The following ARID4B variants were observed in gnomAD, a reference collection of about 807,000 sequenced individuals.
ARID4B encodes AT-rich interaction domain 4B, also known as AT-rich interactive domain-containing protein 4B.
In ARID4B, 26 loss-of-function variants were observed where a neutral mutation model predicts 147.5. That is an observed-to-expected ratio of 0.18 (90% CI 0.13 to 0.24). The LOEUF (loss-of-function observed/expected upper bound fraction) is 0.24, where lower values mean the gene tolerates loss of function less well. ARID4B is among the 10% of genes least tolerant of loss of function. The pLI is 1.00. For missense variants in ARID4B, 1,179 were observed against 1,511.5 expected, an observed-to-expected ratio of 0.78 and a Z score of 3.65; for synonymous variants, 512 against 507.9, an observed-to-expected ratio of 1.01 and a Z score of -0.11.
intron 2 of ARID4B, among the ~76,000 whole-genome samples, chr1:235,272,777 A>G (rs2103150479): frequency 6.6e-6 from 1 of 151,958 alleles, no homozygotes; most frequent in Admixed American, 6.6e-5. Context: ...TACACATAAA[A>G]TCACATGTAA....
intron 22 of ARID4B, 83 bp from the exon 23 acceptor site, chr1:235,172,847 C>G: frequency 8.5e-7 from 1 of 1,179,974 alleles, no homozygotes; most frequent in Non-Finnish European, 1.1e-6. Context: ...AGCATGGCTG[C>G]TGAATAAGGT....
intron 2 of ARID4B, among the ~76,000 whole-genome samples, chr1:235,305,154 GGAGA>G (rs948837028): frequency 6.6e-6 from 1 of 152,188 alleles, no homozygotes; most frequent in Non-Finnish European, 1.5e-5. Flanking sequence ...GAGGGAGGCA[GGAGA>G]GATAGTGTCA....
At position 235,169,204 on chromosome 1, in the gene ARID4B, G is replaced by C. The variant is rs115585777; in HGVS notation, c.3812-552C>G. On this transcript the variant is annotated intron_variant, in intron 23 of 23. Transcript: ENST00000264183. Reference sequence around the variant, plus strand: ...AACACATTAGTTATTTTCATCAGAGGAAGTCTCTCACTGTTTCCTTTTTTC... The same window carrying C: ...AACACATTAGTTATTTTCATCAGAGCAAGTCTCTCACTGTTTCCTTTTTTC... 6.0e-3 allele frequency among the ~76,000 whole-genome samples: 914 copies of C among 152,050 alleles called. 14 individuals are homozygous for C. Among genetic ancestry groups the C allele is most frequent in the African/African-American group, 0.021 (871 of 41,508 alleles).
chr1:235,314,075 C>A (rs946594705), intron 2 of ARID4B, among the ~76,000 whole-genome samples: 1 of 152,098 alleles, frequency 6.6e-6, no homozygotes, highest in African/African-American at 2.4e-5. Context: ...CATTTAGTCA[C>A]CCCAAACAAC....
intron 2 of ARID4B, among the ~76,000 whole-genome samples, chr1:235,280,977 T>C (rs1671635294): frequency 6.6e-6 from 1 of 152,110 alleles, no homozygotes; most frequent in Non-Finnish European, 1.5e-5. Flanking sequence ...CCTGAGTAAC[T>C]TCTGATTATT....
rs532087534 is a variant in ARID4B at position 235,181,912 on chromosome 1, C to T, written c.3007G>A (p.Glu1003Lys). The part of the protein sequence containing the change: ...DSKPIEEKTV[E>K]VNDRKAEFPS... ...AATTCTGCTTTTCTGTCATTGACCTCTACTGTTTTTTCTTCAATGGGTTTA... is the reference window on the plus strand; with the variant it reads ...AATTCTGCTTTTCTGTCATTGACCTTTACTGTTTTTTCTTCAATGGGTTTA... The change falls in exon 20 of 24, where the codon GAG becomes AAG. Residue 1003 changes from glutamate to lysine, a missense_variant. Physicochemically the swap from Glu to Lys is moderately conservative, Grantham distance 56. Transcript: ENST00000264183. 2.5e-6 allele frequency: 4 copies of T among 1,614,174 alleles called. No homozygotes were observed. In the Admixed American group the frequency reaches 5.0e-5, roughly 20 times the overall value.
chr1:235,217,791 C>T (rs974700350), intron 16 of ARID4B, among the ~76,000 whole-genome samples: 3 of 152,222 alleles, frequency 2.0e-5, no homozygotes, highest in Middle Eastern at 3.4e-3. Flanking sequence ...TTAATTATCA[C>T]TGTAAAATTT....
chr1:235,236,155 A>C (rs929193438), intron 8 of ARID4B, among the ~76,000 whole-genome samples: 1 of 152,044 alleles, frequency 6.6e-6, no homozygotes, highest in Non-Finnish European at 1.5e-5. Context: ...AAATAACATA[A>C]ATTAGAAACA....
At chr1:235,198,554 C>A (rs1665658889) in intron 17 of ARID4B, among the ~76,000 whole-genome samples, 1 of 152,136 alleles carries the variant, frequency 6.6e-6, no homozygotes, top group Non-Finnish European at 1.5e-5. Context: ...ATGGTACAGG[C>A]TGGGGCCCAC....
chr1:235,196,809 G>A (rs1665526081), intron 17 of ARID4B, among the ~76,000 whole-genome samples: 1 of 136,214 alleles, frequency 7.3e-6, no homozygotes, highest in East Asian at 2.1e-4. Flanking sequence ...CTGAGATCGC[G>A]CCACTGCACT....
At chr1:235,301,514 G>C (rs113710902) in intron 2 of ARID4B, among the ~76,000 whole-genome samples, 1 of 150,594 alleles carries the variant, frequency 6.6e-6, no homozygotes, top group African/African-American at 2.4e-5. Flanking sequence ...ACTCCAGCCG[G>C]TGAGAGTGAG....
At chr1:235,237,688 AAG>A (rs1668694828) in intron 8 of ARID4B, among the ~76,000 whole-genome samples, 1 of 152,228 alleles carries the variant, frequency 6.6e-6, no homozygotes, top group Non-Finnish European at 1.5e-5. Context: ...AAATATACAA[AAG>A]AGTTTATATA....
chr1:235,222,455 CAACA>C (rs1236108066), intron 13 of ARID4B, among the ~76,000 whole-genome samples: 1 of 152,016 alleles, frequency 6.6e-6, no homozygotes. Context: ...CAGATCAGTT[CAACA>C]AACATTTCCT....
At chr1:235,261,451 G>C (rs1362465144) in intron 2 of ARID4B, among the ~76,000 whole-genome samples, 2 of 152,160 alleles carry the variant, frequency 1.3e-5, no homozygotes, top group East Asian at 1.9e-4. Flanking sequence ...TTGAGCCCAA[G>C]AGGTCGAGAC....
chr1:235,303,888 C>T (rs1242173199), intron 2 of ARID4B, among the ~76,000 whole-genome samples: 1 of 151,916 alleles, frequency 6.6e-6, no homozygotes, highest in African/African-American at 2.4e-5. Context: ...TATTTGGAGA[C>T]ATTTAGTAAA....
intron 7 of ARID4B, among the ~76,000 whole-genome samples, chr1:235,243,987 A>AAAACCACT (rs1202650254): frequency 6.6e-6 from 1 of 152,180 alleles, no homozygotes; most frequent in Non-Finnish European, 1.5e-5. Context: ...GAATATACTA[A>AAAACCACT]AAACCACTAA....
rs1291206433 is a variant in ARID4B, at chr1:235,181,877, A to G, written c.3042T>C (p.Ser1014=). The G allele has an allele frequency of 1.2e-6, 2 of 1,614,166 alleles. No homozygotes were observed. The highest frequency in any genetic ancestry group is 1.7e-6 in the Non-Finnish European group (2 of 1,180,026). ...VNDRKAEFPS[S]GSNSVLNTPP... is the part of the protein sequence containing the mutation. The stretch of plus-strand genomic sequence containing the variant: ...GGGTATTTAGCACTGAATTACTGCC[A>G]CTACTTGGAAATTCTGCTTTTCTGT... Residue 1014 remains serine, a synonymous_variant, in exon 20 of 24, where the codon AGT becomes AGC. Transcript: ENST00000264183.
chr1:235,279,416 T>A (rs1174659045), intron 2 of ARID4B, among the ~76,000 whole-genome samples: 4 of 152,046 alleles, frequency 2.6e-5, no homozygotes, highest in African/African-American at 9.7e-5. Flanking sequence ...ATCAGGATAG[T>A]GATAATGAAA....
At chr1:235,230,714 G>T (rs1668162140) in intron 10 of ARID4B, among the ~76,000 whole-genome samples, 1 of 151,864 alleles carries the variant, frequency 6.6e-6, no homozygotes, top group African/African-American at 2.4e-5. Flanking sequence ...CTGAGCTCAG[G>T]AGTTCGAGAC....
Sources: gnomAD v4.1 joint callset for allele counts (sites outside exome capture counted in the v4.1 genomes callset) on GRCh38, gnomAD v4.1.1 for gene constraint, MANE v1.5 for transcripts, NCBI Gene and HGNC (gene_info 2026-07-23, HGNC 2026-07-21) for gene names.